HOXB3: variants seen among roughly 807,000 people sequenced by gnomAD.
HOXB3 encodes the protein homeobox B3.
HOXB3 carries 17 observed loss-of-function variants against 29.2 expected under a neutral mutation model. The ratio of observed to expected loss-of-function variants is 0.58; its 90% CI spans 0.40 to 0.87. HOXB3 has a LOEUF of 0.87. Among genes scored for constraint, HOXB3 ranks in the 40% least tolerant of loss-of-function variants. HOXB3 has a pLI of 0.00. For missense variants in HOXB3, 637 were observed against 616.3 expected (o/e 1.03, Z -0.35); for synonymous variants, 317 against 285.9 (o/e 1.11, Z -1.10).
rs1238792074 is a variant in HOXB3, at chr17:48,552,545, A to G, written c.-71T>C. 5 of 1,184,320 alleles carry G rather than the reference A, an allele frequency of 4.2e-6. No individual in the cohort carries two copies. The African/African-American group carries it at 8.1e-5, about 19-fold the overall frequency. The allele number at this position is 1,184,320 out of a possible 1,614,324, so 73.4% of individuals were successfully genotyped here. A position where few individuals can be genotyped will look rare whatever the true frequency, so the allele number is the denominator to read the frequency against. On this transcript the variant is annotated 5_prime_UTR_variant, in exon 4 of 5. Transcript: ENST00000498678. ...ATACCCTCAGGACCGGACATTGGCA[A>G]CCCTGGGGGTCACGTGACACGCCGG...
At position 48,567,426 on chromosome 17, in the gene HOXB3, G is replaced by A. The variant is rs183491242; in HGVS notation, c.-247+6411C>T. 2.9e-4 allele frequency among the ~76,000 whole-genome samples: 44 copies of A among 152,276 alleles called. No homozygotes were observed. In the East Asian group the frequency reaches 5.4e-3, roughly 19 times the overall value. ...GGCCTGGCTCCAGTCAGGGAATGAG[G>A]GGCCAACAGCTGGGACTGGAGTTGG... On this transcript the variant is annotated intron_variant, in intron 2 of 4. Transcript: ENST00000498678.
intron 1 of HOXB3, among the ~76,000 whole-genome samples, chr17:48,583,214 G>T (rs1234951103): frequency 6.6e-6 from 1 of 152,162 alleles, no homozygotes; most frequent in Non-Finnish European, 1.5e-5. Context: ...GAGGTGCTGG[G>T]CTGGGCTGGT....
intron 4 of HOXB3, 123 bp downstream of exon 4, chr17:48,551,904 C>T (rs1312060133): frequency 1.1e-6 from 1 of 886,024 alleles, no homozygotes; most frequent in Non-Finnish European, 1.8e-6. Flanking sequence ...AAAAATGTAC[C>T]CGCTGGCCAC....
At chr17:48,582,063 T>C (rs2069955333) in intron 1 of HOXB3, 1 of 152,362 alleles carries the variant, frequency 6.6e-6, no homozygotes, top group Non-Finnish European at 1.5e-5. Flanking sequence ...CGCCTTCTCC[T>C]GGCAGCCACA....
intron 1 of HOXB3, among the ~76,000 whole-genome samples, chr17:48,583,964 C>A (rs890776220): frequency 2.6e-5 from 4 of 152,220 alleles, no homozygotes; most frequent in Non-Finnish European, 2.9e-5. Context: ...TTATCTCCAT[C>A]CTGGAAGGAA....
rs2068951436 is a variant in HOXB3 at position 48,555,580 on chromosome 17, C to A, written c.-208G>T. ...AGGCAGACATAATATATATTCACAT[C>A]GAGCCCCAGAGCGAGCGGCAGGCGA... On this transcript the variant is annotated 5_prime_UTR_variant, in exon 3 of 5. Coordinates refer to ENST00000498678, the MANE Select transcript of HOXB3 (RefSeq NM_001384749.1). 4.3e-6 allele frequency: 3 copies of A among 702,640 alleles called. No individual in the cohort carries two copies. Among genetic ancestry groups the A allele is most frequent in the Admixed American group, 4.0e-5 (2 of 49,980 alleles). 43.5% of individuals were successfully genotyped at this position (702,640 alleles called of 1,614,324 possible).
At chr17:48,586,390 A>G (rs575995993) in intron 1 of HOXB3, among the ~76,000 whole-genome samples, 1 of 152,268 alleles carries the variant, frequency 6.6e-6, no homozygotes, top group East Asian at 1.9e-4. Flanking sequence ...AGAAAGAACG[A>G]AAGATCCGCC....
At position 48,550,162 on chromosome 17, in the gene HOXB3, T is replaced by TA. The variant is rs2068659037; in HGVS notation, c.*171dup. 4 of 819,926 alleles carry TA rather than the reference T, an allele frequency of 4.9e-6. No individual in the cohort carries two copies. The Admixed American group carries it at 8.7e-5, about 18-fold the overall frequency. The allele number at this position is 819,926 out of a possible 1,614,324, so 50.8% of individuals were successfully genotyped here. The stretch of plus-strand genomic sequence containing the variant: ...CAGATGGAACAAGGGGTGGAAGACT[T>TA]AAAAGCAACCTCTCAGGCCAGGGGG... On this transcript the variant is annotated 3_prime_UTR_variant, in exon 5 of 5. Transcript: ENST00000498678.
chr17:48,550,718 C>T lies in HOXB3; in HGVS notation c.912G>A (p.Leu304=), dbSNP rs1228524133. 3 of 1,554,342 alleles carry T rather than the reference C, an allele frequency of 1.9e-6. No individual in the cohort carries two copies. Among genetic ancestry groups the T allele is most frequent in the Non-Finnish European group, 2.6e-6 (3 of 1,148,660 alleles). Residue 304 remains leucine (L), a synonymous_variant, in exon 5 of 5, where the codon CTG becomes CTA. Coordinates refer to ENST00000498678, the MANE Select transcript of HOXB3 (RefSeq NM_001384749.1). ...TGAGAGGGGGCTGGTAGTTGGAGGG[C>T]AGCGCGTAGGCATTCTGGTGGGCTT... is the stretch of plus-strand genomic sequence containing the variant. ...FGKAHQNAYA[L]PSNYQPPLKG... is the part of the protein sequence containing the mutation.
At chr17:48,585,406 G>A (rs758906032) in intron 1 of HOXB3, among the ~76,000 whole-genome samples, 15 of 152,250 alleles carry the variant, frequency 9.9e-5, no homozygotes, top group Non-Finnish European at 1.8e-4. Flanking sequence ...GGAGCAGAAG[G>A]GGCCGCTGTG....
At chr17:48,563,036 G>C (rs112909354) in intron 2 of HOXB3, among the ~76,000 whole-genome samples, 4 of 152,132 alleles carry the variant, frequency 2.6e-5, no homozygotes, top group South Asian at 2.1e-4. Context: ...TCAAACCACG[G>C]ATCTCCCCGA....
intron 1 of HOXB3, chr17:48,576,687 C>T (rs549541586): frequency 1.3e-6 from 2 of 1,538,190 alleles, no homozygotes; most frequent in East Asian, 2.3e-5. Flanking sequence ...TGCCCACCCC[C>T]ACCCCGAGGT....
At chr17:48,556,114 A>C (rs988916094) in intron 2 of HOXB3, among the ~76,000 whole-genome samples, 1 of 151,218 alleles carries the variant, frequency 6.6e-6, no homozygotes, top group Non-Finnish European at 1.5e-5. Flanking sequence ...CCGCCTCCCC[A>C]AAAAAAGAGT....
chr17:48,576,339 C>T (rs1195216240), intron 1 of HOXB3: 4 of 166,430 alleles, frequency 2.4e-5, no homozygotes, highest in Non-Finnish European at 5.1e-5. Flanking sequence ...ACAGATGGGC[C>T]TGGACCTGGC....
At chr17:48,561,183 A>AAAACACACACAC (rs1291395707) in intron 2 of HOXB3, among the ~76,000 whole-genome samples, 1 of 125,382 alleles carries the variant, frequency 8.0e-6, no homozygotes, top group African/African-American at 2.9e-5. Context: ...TCCGTCTCAA[A>AAAACACACACAC]ACACACACAC....
chr17:48,585,136 G>A (rs1197213261), intron 1 of HOXB3, among the ~76,000 whole-genome samples: 1 of 152,030 alleles, frequency 6.6e-6, no homozygotes, highest in East Asian at 1.9e-4. Flanking sequence ...CAGAGCCTTA[G>A]ACCTGGGCAA....
At position 48,589,858 on chromosome 17, in the gene HOXB3, ACT is replaced by A. The variant is rs1389358635; in HGVS notation, c.-425+265_-425+266del. Among the ~76,000 whole-genome samples the A allele has an allele frequency of 2.0e-5, 3 of 152,020 alleles. No homozygotes were observed. In the East Asian group the frequency reaches 5.8e-4, roughly 29 times the overall value. On this transcript the variant is annotated intron_variant, in intron 1 of 4. Transcript: ENST00000498678. ...TCCTGGTCCCTAAATTTCCGCTGGC[ACT>A]GAGGGAGCATGGATCCCCCACACAA...
At chr17:48,579,688 T>G (rs1004526428) in intron 1 of HOXB3, 1 of 229,106 alleles carries the variant, frequency 4.4e-6, no homozygotes, top group Non-Finnish European at 9.1e-6. Context: ...AGAGTTCAGG[T>G]AGATGATTTC....
Position 48,552,534 on chromosome 17 carries a change from G to T in HOXB3, c.-60C>A. ...GGAAAGGCCTGATACCCTCAGGACCGGACATTGGCAACCCTGGGGGTCACG... is the reference window on the plus strand; with the variant it reads ...GGAAAGGCCTGATACCCTCAGGACCTGACATTGGCAACCCTGGGGGTCACG... On this transcript the variant is annotated 5_prime_UTR_variant, in exon 4 of 5. Transcript: ENST00000498678. 1 of 1,372,332 alleles carries T rather than the reference G, an allele frequency of 7.3e-7. No homozygotes were observed. Among genetic ancestry groups the T allele is most frequent in the Non-Finnish European group, 9.9e-7 (1 of 1,008,530 alleles). 85.0% of individuals were successfully genotyped at this position (1,372,332 alleles called of 1,614,324 possible). A position where few individuals can be genotyped will look rare whatever the true frequency, so the allele number is the denominator to read the frequency against.
Sources: gnomAD v4.1 joint callset for allele counts (sites outside exome capture counted in the v4.1 genomes callset) on GRCh38, gnomAD v4.1.1 for gene constraint, MANE v1.5 for transcripts, NCBI Gene and HGNC (gene_info 2026-07-23, HGNC 2026-07-21) for gene names.